STK32B: variants seen among roughly 807,000 people sequenced by gnomAD.
The protein encoded by STK32B is serine/threonine kinase 32B, also known as serine/threonine-protein kinase 32B.
In STK32B, 43 loss-of-function variants were observed where a neutral mutation model predicts 52.6. The ratio of observed to expected loss-of-function variants is 0.82; its 90% confidence interval spans 0.64 to 1.05. STK32B has a LOEUF of 1.05. Ranked by LOEUF, STK32B falls within the 50% of genes least tolerant of loss-of-function variation. STK32B has a pLI of 0.00. For missense variants in STK32B, 621 were observed against 534.6 expected, an observed-to-expected ratio of 1.16 and a Z score of -1.59; for synonymous variants, 238 against 204.3, an observed-to-expected ratio of 1.17 and a Z score of -1.41.
chr4:5,299,969 C>A (rs1729448832), intron 3 of STK32B, among the ~76,000 whole-genome samples: 1 of 151,980 alleles, frequency 6.6e-6, no homozygotes, highest in Admixed American at 6.6e-5. Flanking sequence ...TACCGAAATC[C>A]AGCAAAGATA....
intron 11 of STK32B, among the ~76,000 whole-genome samples, chr4:5,484,157 C>A (rs1718955599): frequency 6.6e-6 from 1 of 152,140 alleles, no homozygotes. Flanking sequence ...AACTTTGTGT[C>A]TCATTGATCT....
intron 4 of STK32B, among the ~76,000 whole-genome samples, chr4:5,383,794 C>G (rs1465520829): frequency 6.6e-6 from 1 of 152,200 alleles, no homozygotes; most frequent in East Asian, 1.9e-4. Flanking sequence ...ATTCAACTAT[C>G]CACGCAGCTC....
At chr4:5,226,409 A>G (rs554445266) in intron 3 of STK32B, among the ~76,000 whole-genome samples, 1 of 152,338 alleles carries the variant, frequency 6.6e-6, no homozygotes, top group Non-Finnish European at 1.5e-5. Flanking sequence ...ACAGTCAACC[A>G]TGGTCCAAAA....
intron 3 of STK32B, 115 bp from the exon 4 acceptor site, chr4:5,331,105 A>T: frequency 1.0e-6 from 1 of 986,930 alleles, no homozygotes; most frequent in Non-Finnish European, 1.5e-6. Context: ...TGACTCAGGC[A>T]ACTCAGTGCC....
At chr4:5,123,637 C>A (rs1335111187) in intron 1 of STK32B, among the ~76,000 whole-genome samples, 1 of 152,120 alleles carries the variant, frequency 6.6e-6, no homozygotes, top group African/African-American at 2.4e-5. Flanking sequence ...CTCCACGTGG[C>A]CACCCTGGGT....
At position 5,311,005 on chromosome 4, in the gene STK32B, T is replaced by C. The variant is rs62300001; in HGVS notation, c.261-20215T>C. 3.8e-3 allele frequency among the ~76,000 whole-genome samples: 574 copies of C among 152,158 alleles called. 2 individuals are homozygous for C. Among genetic ancestry groups the C allele is most frequent in the Middle Eastern group, 0.01 (3 of 294 alleles). Reference sequence around the variant, plus strand: ...AGCTAAAAATTTGATCTCATAGAAGTAGAGAGTAAAACAGTGGTTACTAAT... The same window carrying C: ...AGCTAAAAATTTGATCTCATAGAAGCAGAGAGTAAAACAGTGGTTACTAAT... On this transcript the variant is annotated intron_variant, in intron 3 of 11. Coordinates refer to ENST00000282908, the MANE Select transcript of STK32B (RefSeq NM_018401.3).
intron 3 of STK32B, among the ~76,000 whole-genome samples, chr4:5,248,863 G>A (rs1725663054): frequency 6.6e-6 from 1 of 151,802 alleles, no homozygotes; most frequent in African/African-American, 2.4e-5. Context: ...CTCATAGGTG[G>A]GAATTGAACA....
At chr4:5,164,881 T>C (rs1227308745) in intron 2 of STK32B, among the ~76,000 whole-genome samples, 1 of 152,162 alleles carries the variant, frequency 6.6e-6, no homozygotes, top group African/African-American at 2.4e-5. Flanking sequence ...GCTCTTTGTT[T>C]TTTGTTTTTT....
chr4:5,306,819 T>G (rs1729955147), intron 3 of STK32B, among the ~76,000 whole-genome samples: 1 of 151,998 alleles, frequency 6.6e-6, no homozygotes, highest in Non-Finnish European at 1.5e-5. Flanking sequence ...AAGCAGTTCT[T>G]GTAATGCTGG....
intron 5 of STK32B, among the ~76,000 whole-genome samples, chr4:5,411,014 A>C (rs888247660): frequency 6.7e-6 from 1 of 150,002 alleles, no homozygotes; most frequent in Non-Finnish European, 1.5e-5. Context: ...TGAATAATCC[A>C]GTCACCTCCT....
chr4:5,156,951 C>G (rs886404391), intron 2 of STK32B, among the ~76,000 whole-genome samples: 2 of 151,986 alleles, frequency 1.3e-5, no homozygotes, highest in Non-Finnish European at 2.9e-5. Context: ...TAAGGAAAGA[C>G]TCTTTGCAGG....
intron 3 of STK32B, among the ~76,000 whole-genome samples, chr4:5,320,755 G>T (rs1731433127): frequency 6.6e-6 from 1 of 152,186 alleles, no homozygotes; most frequent in Non-Finnish European, 1.5e-5. Context: ...CATGAGGATG[G>T]AATGGAAACA....
intron 3 of STK32B, among the ~76,000 whole-genome samples, chr4:5,230,796 G>C (rs1268790843): frequency 6.6e-6 from 1 of 152,160 alleles, no homozygotes; most frequent in South Asian, 2.1e-4. Flanking sequence ...CCGTTACAGA[G>C]GGGAGATGAA....
intron 8 of STK32B, among the ~76,000 whole-genome samples, chr4:5,459,805 C>T (rs927599452): frequency 6.6e-6 from 1 of 152,198 alleles, no homozygotes; most frequent in Non-Finnish European, 1.5e-5. Context: ...ATCAGAGAGG[C>T]AGCCTGTTAC....
At chr4:5,157,983 A>T (rs990140586) in intron 2 of STK32B, among the ~76,000 whole-genome samples, 1 of 152,196 alleles carries the variant, frequency 6.6e-6, no homozygotes, top group Non-Finnish European at 1.5e-5. Context: ...ATATTTATTC[A>T]TTTCATATGA....
intron 3 of STK32B, among the ~76,000 whole-genome samples, chr4:5,289,534 C>T (rs1204327450): frequency 6.6e-6 from 1 of 151,920 alleles, no homozygotes; most frequent in Non-Finnish European, 1.5e-5. Context: ...CATTAGATGT[C>T]AGAGAAGTGC....
intron 7 of STK32B, chr4:5,447,063 C>T (rs1035898407): frequency 1.1e-5 from 3 of 278,290 alleles, no homozygotes; most frequent in East Asian, 7.1e-5. Context: ...GCCTTGGCCT[C>T]GTGGTTTCAA....
At chr4:5,279,374 A>T (rs189605312) in intron 3 of STK32B, among the ~76,000 whole-genome samples, 2 of 152,298 alleles carry the variant, frequency 1.3e-5, no homozygotes, top group Non-Finnish European at 2.9e-5. Context: ...GCTCCAAAAT[A>T]ATCTTCCTCG....
At position 5,467,771 on chromosome 4, in the gene STK32B, T is replaced by A. The variant is rs1289179912; in HGVS notation, c.1042-235T>A. ...AGCCCATATTCCATTCTAACATGGC[T>A]TTTAAGTTGGATTTCATGGCTTAAC... is the stretch of plus-strand genomic sequence containing the variant. On this transcript the variant is annotated intron_variant, in intron 10 of 11. Coordinates refer to ENST00000282908, the MANE Select transcript of STK32B (RefSeq NM_018401.3). The surrounding 1 kb of genome is among the most constrained non-coding windows in gnomAD (Gnocchi z 5.8). 6.6e-6 allele frequency among the ~76,000 whole-genome samples: 1 copy of A among 152,168 alleles called. No homozygotes were observed. The highest frequency in any genetic ancestry group is 1.5e-5 in the Non-Finnish European group (1 of 68,036).
Sources: gnomAD v4.1 joint callset for allele counts (sites outside exome capture counted in the v4.1 genomes callset) on GRCh38, gnomAD v4.1.1 for gene constraint, Gnocchi (gnomAD v3.1) non-coding constraint, MANE v1.5 for transcripts, NCBI Gene and HGNC (gene_info 2026-07-23, HGNC 2026-07-21) for gene names.